Variants in GRM1 observed in about 807,000 individuals in gnomAD.
GRM1 encodes the protein glutamate metabotropic receptor 1.
Under a neutral mutation model 90.9 loss-of-function variants are expected in GRM1, and 33 were observed. The observed-to-expected ratio is 0.36, with a 90% confidence interval of 0.28 to 0.49. The LOEUF (loss-of-function observed/expected upper bound fraction) is 0.49, where lower values mean the gene tolerates loss of function less well. Among genes scored for constraint, GRM1 ranks in the 20% least tolerant of loss-of-function variants. The pLI is 0.99. For missense variants in GRM1, 1,190 were observed against 1,534.3 expected, an observed-to-expected ratio of 0.78 and a Z score of 3.75; for synonymous variants, 700 against 613.2, an observed-to-expected ratio of 1.14 and a Z score of -2.09.
rs561118699 is a variant in GRM1, at chr6:146,273,557, C to T, written c.951-31054C>T. Among the ~76,000 whole-genome samples, 13 of 152,298 alleles carry T rather than the reference C, an allele frequency of 8.5e-5. No homozygotes were observed. The South Asian group carries it at 2.7e-3, about 32-fold the overall frequency. ...GCCATGTTTTCAAAGAGCAGAAACA[C>T]CCACAGAGTTGATTCTCACTCTTAC... On this transcript the variant is annotated intron_variant, in intron 2 of 7. Coordinates refer to ENST00000282753, the MANE Select transcript of GRM1 (RefSeq NM_001278064.2).
At chr6:146,138,837 G>C (rs1776727480) in intron 1 of GRM1, among the ~76,000 whole-genome samples, 1 of 151,234 alleles carries the variant, frequency 6.6e-6, no homozygotes, top group Non-Finnish European at 1.5e-5. Flanking sequence ...TTTCTGCTCT[G>C]ATCTTCATTA....
chr6:146,261,736 T>G (rs1781702032), intron 2 of GRM1, among the ~76,000 whole-genome samples: 1 of 152,182 alleles, frequency 6.6e-6, no homozygotes, highest in Non-Finnish European at 1.5e-5. Flanking sequence ...TGAGAACTGC[T>G]GGCATGGATG....
upstream of GRM1, among the ~76,000 whole-genome samples, chr6:146,028,644 G>A (rs143838155): frequency 6.6e-6 from 1 of 152,146 alleles, no homozygotes; most frequent in African/African-American, 2.4e-5. Flanking sequence ...TTTACCAGGC[G>A]TTGCCTTAGT....
chr6:146,123,577 T>C (rs1485991606), intron 1 of GRM1, among the ~76,000 whole-genome samples: 1 of 152,216 alleles, frequency 6.6e-6, no homozygotes, highest in Non-Finnish European at 1.5e-5. Context: ...AAGCTCATGA[T>C]ACAATCAGCA....
intron 1 of GRM1, among the ~76,000 whole-genome samples, chr6:146,124,882 T>G (rs1356544272): frequency 2.6e-5 from 4 of 152,142 alleles, no homozygotes; most frequent in Admixed American, 6.5e-5. Flanking sequence ...AGAGAAACAT[T>G]GCTTAGGTTT....
In GRM1 at chr6:146,030,155, G is replaced by A. The variant is rs1790654223; in HGVS notation, c.638G>A (p.Arg213Lys). The change falls in exon 1 of 8, where the codon AGG (arginine) becomes AAG (lysine). Residue 213 changes from arginine (R) to lysine (K), a missense_variant. Transcript: ENST00000282753. ...GTCCCTTCTGACACTTTGCAGGCAA[G>A]GGCCATGCTTGACATAGTCAAACGT... ...RVVPSDTLQARAMLDIVKRYN... is the reference protein window; with the variant it reads ...RVVPSDTLQAKAMLDIVKRYN... 6.2e-7 allele frequency: 1 copy of A among 1,614,108 alleles called. No homozygotes were observed. Among genetic ancestry groups the A allele is most frequent in the Non-Finnish European group, 8.5e-7 (1 of 1,179,972 alleles).
At chr6:146,422,032 C>T (rs188502686) in intron 7 of GRM1, among the ~76,000 whole-genome samples, 1 of 152,114 alleles carries the variant, frequency 6.6e-6, no homozygotes, top group Admixed American at 6.5e-5. Context: ...TGAGTGGTGG[C>T]TGTCATTCTT....
intron 2 of GRM1, among the ~76,000 whole-genome samples, chr6:146,226,860 A>G (rs1780257969): frequency 6.6e-6 from 1 of 152,046 alleles, no homozygotes; most frequent in South Asian, 2.1e-4. Context: ...CTCACTCCCC[A>G]TGCTCTGCCA....
intron 2 of GRM1, among the ~76,000 whole-genome samples, chr6:146,220,294 G>A (rs73575021): frequency 0.053 from 8,114 of 152,170 alleles, 707 homozygotes; most frequent in African/African-American, 0.18. Flanking sequence ...TTAACTAAAT[G>A]TGTATTATCA....
intron 2 of GRM1, among the ~76,000 whole-genome samples, chr6:146,214,661 T>C (rs1779807631): frequency 6.6e-6 from 1 of 152,174 alleles, no homozygotes; most frequent in African/African-American, 2.4e-5. Flanking sequence ...TGTAGTACAA[T>C]GTGAAGAATA....
intron 2 of GRM1, among the ~76,000 whole-genome samples, chr6:146,214,073 C>T (rs1779786155): frequency 6.6e-6 from 1 of 152,044 alleles, no homozygotes; most frequent in South Asian, 2.1e-4. Context: ...TTGCTCTATC[C>T]TGGGTCTCAG....
chr6:146,090,514 C>A (rs1323128833), intron 1 of GRM1, among the ~76,000 whole-genome samples: 1 of 152,102 alleles, frequency 6.6e-6, no homozygotes, highest in Admixed American at 6.6e-5. Flanking sequence ...AGTTTTTACA[C>A]TAAAATGCGG....
rs573333414 is a variant in GRM1 at position 146,218,092 on chromosome 6, G to T, written c.950+58495G>T. On this transcript the variant is annotated intron_variant, in intron 2 of 7. Transcript: ENST00000282753. The stretch of plus-strand genomic sequence containing the variant: ...ATAGAGAGGTTAGTAATTTGTCAAG[G>T]TCTCCCAGCCTGTGTGTGGAGAGCG... Among the ~76,000 whole-genome samples, 9 of 152,252 alleles carry T rather than the reference G, an allele frequency of 5.9e-5. No individual in the cohort carries two copies. In the East Asian group the frequency reaches 1.7e-3, roughly 29 times the overall value.
intron 1 of GRM1, among the ~76,000 whole-genome samples, chr6:146,093,834 T>C (rs1276879811): frequency 1.3e-5 from 2 of 152,076 alleles, no homozygotes; most frequent in Non-Finnish European, 2.9e-5. Flanking sequence ...TTTTCTATTA[T>C]AATTAGAATA....
chr6:146,356,350 T>C (rs1785582240), intron 4 of GRM1, among the ~76,000 whole-genome samples: 1 of 152,142 alleles, frequency 6.6e-6, no homozygotes, highest in Non-Finnish European at 1.5e-5. Flanking sequence ...ACCAACAGAT[T>C]TGGTGTCTAG....
chr6:146,058,060 C>T (rs1351071750), intron 1 of GRM1, among the ~76,000 whole-genome samples: 1 of 152,026 alleles, frequency 6.6e-6, no homozygotes, highest in Non-Finnish European at 1.5e-5. Flanking sequence ...TTCCGTCTCT[C>T]TGGACTTCTT....
Position 146,412,970 on chromosome 6 carries a change from A to G in GRM1, c.2660+13271A>G, listed in dbSNP as rs964730916. The stretch of plus-strand genomic sequence containing the variant: ...TCATCTTAGTTCTATAATTAAGGAT[A>G]TGTTTAACACTTACCTCCTGTTCCT... On this transcript the variant is annotated intron_variant, in intron 7 of 7. Coordinates refer to ENST00000282753, the MANE Select transcript of GRM1 (RefSeq NM_001278064.2). Among the ~76,000 whole-genome samples, 22 of 152,158 alleles carry G rather than the reference A, an allele frequency of 1.4e-4. 1 individual carries two copies. Among genetic ancestry groups the G allele is most frequent in the Admixed American group, 1.2e-3 (19 of 15,270 alleles).
chr6:146,406,553 G>A (rs897756056), intron 7 of GRM1, among the ~76,000 whole-genome samples: 2 of 152,106 alleles, frequency 1.3e-5, no homozygotes, highest in African/African-American at 4.8e-5. Context: ...GGTAGGCTGG[G>A]CATGGTAGCT....
At chr6:146,365,816 T>TGGTGAGTCCAA (rs1775664514) in intron 5 of GRM1, among the ~76,000 whole-genome samples, 1 of 152,122 alleles carries the variant, frequency 6.6e-6, no homozygotes, top group Non-Finnish European at 1.5e-5. Flanking sequence ...TGTCTTCCTA[T>TGGTGAGTCCAA]CAGGACGAGG....
Sources: gnomAD v4.1 joint callset for allele counts (sites outside exome capture counted in the v4.1 genomes callset) on GRCh38, gnomAD v4.1.1 for gene constraint, MANE v1.5 for transcripts, NCBI Gene and HGNC (gene_info 2026-07-23, HGNC 2026-07-21) for gene names.